PCDH19: variants seen among roughly 807,000 people sequenced by gnomAD.
PCDH19 encodes the protein protocadherin-19.
PCDH19 carries 6 observed loss-of-function variants against 46.2 expected under a neutral mutation model. That is an observed-to-expected ratio of 0.13 (90% confidence interval 0.07 to 0.26). The LOEUF (loss-of-function observed/expected upper bound fraction) is 0.26. Ranked by LOEUF, PCDH19 falls within the 10% of genes least tolerant of loss-of-function variation. The pLI, the probability that PCDH19 is intolerant of heterozygous loss-of-function variation, is 1.00. For missense variants in PCDH19, 740 were observed against 972.3 expected, an observed-to-expected ratio of 0.76 and a Z score of 3.18; for synonymous variants, 481 against 415.7, an observed-to-expected ratio of 1.16 and a Z score of -1.91.
chrX:100,326,914 T>A (rs965371993), intron 5 of PCDH19, among the ~76,000 whole-genome samples: 7 of 111,331 alleles, frequency 6.3e-5, no homozygotes, highest in African/African-American at 2.0e-4. Context: ...CTGAGACTTT[T>A]AAAGTTCAAT....
At chrX:100,355,980 G>C (rs756683379) in intron 3 of PCDH19, among the ~76,000 whole-genome samples, 3 of 109,629 alleles carry the variant, frequency 2.7e-5, no homozygotes, top group African/African-American at 1.0e-4. Context: ...TATCAGCAGA[G>C]AGACTTCAAA....
At chrX:100,339,033 A>C (rs1233668890) in intron 5 of PCDH19, among the ~76,000 whole-genome samples, 1 of 112,351 alleles carries the variant, frequency 8.9e-6, no homozygotes, top group Non-Finnish European at 1.9e-5. Flanking sequence ...CATGGAATAC[A>C]AGGTGAGCCA....
chrX:100,340,220 C>CAT (rs1385144033), intron 5 of PCDH19, among the ~76,000 whole-genome samples: 2 of 111,795 alleles, frequency 1.8e-5, no homozygotes, highest in African/African-American at 3.2e-5. Context: ...TACACACACA[C>CAT]ATATATATGT....
At chrX:100,405,137 T>C (rs899581778) in intron 1 of PCDH19, among the ~76,000 whole-genome samples, 1 of 112,310 alleles carries the variant, frequency 8.9e-6, no homozygotes, top group Non-Finnish European at 1.9e-5. Context: ...TGTTACATAT[T>C]CAGGGGGCTC....
chrX:100,381,690 G>A (rs1927556616), intron 3 of PCDH19, among the ~76,000 whole-genome samples: 1 of 112,178 alleles, frequency 8.9e-6, no homozygotes, highest in Admixed American at 9.5e-5. Context: ...GATCTGTTTA[G>A]TGCAGAGAAC....
chrX:100,362,871 G>GA (rs981657058), intron 3 of PCDH19, among the ~76,000 whole-genome samples: 3 of 108,273 alleles, frequency 2.8e-5, no homozygotes, highest in African/African-American at 1.0e-4. Context: ...AAGCACATAA[G>GA]AAAAAAATGT....
intron 3 of PCDH19, among the ~76,000 whole-genome samples, chrX:100,359,774 T>A (rs1216295272): frequency 9.8e-6 from 1 of 102,120 alleles, no homozygotes; most frequent in Admixed American, 1.1e-4. Context: ...TATATACATA[T>A]ATGTACACAC....
chrX:100,410,237 A>G lies in PCDH19; in HGVS notation c.-1640T>C. The G allele has an allele frequency of 3.4e-6, 1 of 298,497 alleles. No individual in the cohort carries two copies. The highest frequency in any genetic ancestry group is 4.7e-5 in the East Asian group (1 of 21,067). The allele number at this position is 298,497 out of a possible 1,213,427, so 24.6% of individuals were successfully genotyped here. A position where few individuals can be genotyped will look rare whatever the true frequency, so the allele number is the denominator to read the frequency against. On this transcript the variant is annotated 5_prime_UTR_variant, in exon 1 of 6. Transcript: ENST00000373034. ...CCGCGCTGCGCCAGCCGCCGCCGCT[A>G]CTGCTGCTGCTGCTCCTCCGGATGC...
chrX:100,327,819 T>C (rs1925743239), intron 5 of PCDH19, among the ~76,000 whole-genome samples: 1 of 111,860 alleles, frequency 8.9e-6, no homozygotes, highest in Admixed American at 9.5e-5. Flanking sequence ...TGCTTGTCTC[T>C]CCCTTTCAGT....
intron 3 of PCDH19, among the ~76,000 whole-genome samples, chrX:100,358,613 T>G (rs1384315337): frequency 8.9e-6 from 1 of 111,837 alleles, no homozygotes; most frequent in African/African-American, 3.3e-5. Flanking sequence ...ACCATACAAT[T>G]CAAAGCCTGC....
rs1928383077 is a variant in PCDH19 at position 100,407,103 on chromosome X, C to A, written c.1495G>T (p.Asp499Tyr). 7.4e-6 allele frequency: 9 copies of A among 1,211,965 alleles called. No individual in the cohort carries two copies. The highest frequency in any genetic ancestry group is 1.0e-5 in the Non-Finnish European group (9 of 895,545). ...GAGACATAGGTGAAGACAGGCATGT[C>A]CCGCACCTGCGACGGCACGATCTGG... ...SYQIVPSQVR[D>Y]MPVFTYVSIN... The change falls in exon 1 of 6, where the codon GAC (aspartate) becomes TAC (tyrosine). Residue 499 changes from aspartate to tyrosine, a missense_variant. Around this residue, in one of 5 missense-constraint regions of PCDH19, gnomAD observed 186 missense variants for 319.9 expected, o/e 0.58. Transcript: ENST00000373034.
chrX:100,322,242 G>A (rs1273335609), intron 5 of PCDH19, among the ~76,000 whole-genome samples: 4 of 111,433 alleles, frequency 3.6e-5, no homozygotes, highest in Non-Finnish European at 7.5e-5. Context: ...GTTGATTTTT[G>A]TATAAGGTGA....
chrX:100,363,820 T>A (rs1926984545), intron 3 of PCDH19, among the ~76,000 whole-genome samples: 2 of 100,557 alleles, frequency 2.0e-5, no homozygotes, highest in Non-Finnish European at 4.0e-5. Context: ...AGGAGCCCCA[T>A]CTACCACAGC....
At chrX:100,352,385 G>T (rs1350242369) in intron 3 of PCDH19, among the ~76,000 whole-genome samples, 2 of 112,445 alleles carry the variant, frequency 1.8e-5, no homozygotes, top group Non-Finnish European at 3.8e-5. Flanking sequence ...AGGTAAAAAT[G>T]ATGTTGGTTA....
At chrX:100,333,174 G>GAAGGAA (rs1167397761) in intron 5 of PCDH19, among the ~76,000 whole-genome samples, 2 of 28,956 alleles carry the variant, frequency 6.9e-5, no homozygotes, top group African/African-American at 2.6e-4. Context: ...AGGAAGGAAG[G>GAAGGAA]GAGAGAGAGA....
chrX:100,401,764 TC>T (rs1928191105), intron 3 of PCDH19, among the ~76,000 whole-genome samples: 1 of 111,567 alleles, frequency 9.0e-6, no homozygotes, highest in African/African-American at 3.3e-5. Flanking sequence ...TTTTTTTTTT[TC>T]GTTGTTAGAG....
intron 4 of PCDH19, among the ~76,000 whole-genome samples, chrX:100,347,930 G>A (rs1056117654): frequency 9.3e-6 from 1 of 108,047 alleles, no homozygotes; most frequent in East Asian, 2.9e-4. Context: ...GCCAGGCACG[G>A]TGGCGCATGC....
chrX:100,368,533 CTG>C (rs1424877031), intron 3 of PCDH19, among the ~76,000 whole-genome samples: 1 of 111,758 alleles, frequency 8.9e-6, no homozygotes, highest in African/African-American at 3.2e-5. Context: ...TTGCTTGACA[CTG>C]TGCCTTTTCT....
chrX:100,363,856 C>CATGTGTGTGTGTGTGTGTGTGT (rs57620335), intron 3 of PCDH19, among the ~76,000 whole-genome samples: 3 of 88,970 alleles, frequency 3.4e-5, no homozygotes, highest in African/African-American at 1.3e-4. Flanking sequence ...AATGTGCGTG[C>CATGTGTGTGTGTGTGTGTGTGT]GTGTGTGTGT....
Sources: allele counts gnomAD v4.1 joint callset (sites outside exome capture counted in the v4.1 genomes callset), GRCh38; gene constraint gnomAD v4.1.1; regional missense constraint gnomAD v4.1.1; transcripts MANE v1.5; gene names NCBI Gene and HGNC (gene_info 2026-07-23, HGNC 2026-07-21).